Variants in ARHGAP26 observed in about 807,000 individuals in gnomAD.
ARHGAP26 encodes Rho GTPase activating protein 26, also known as rho GTPase-activating protein 26.
In ARHGAP26, 38 loss-of-function variants were observed where a neutral mutation model predicts 104.8. That is an observed-to-expected ratio of 0.36 (90% CI 0.28 to 0.48). ARHGAP26 has a LOEUF of 0.48. ARHGAP26 is among the 20% of genes least tolerant of loss of function. The pLI, the probability that ARHGAP26 is intolerant of heterozygous loss-of-function variation, is 0.99. For synonymous variants in ARHGAP26, 341 were observed against 340.0 expected (o/e 1.00, Z -0.03); for missense variants, 704 against 947.9 (o/e 0.74, Z 3.38).
chr5:142,880,819 G>C (rs960991755), intron 4 of ARHGAP26, among the ~76,000 whole-genome samples: 1 of 152,192 alleles, frequency 6.6e-6, no homozygotes, highest in Non-Finnish European at 1.5e-5. Context: ...AAATAGATAT[G>C]ATTAGGGCCT....
At chr5:143,188,483 G>A (rs1313691682) in intron 20 of ARHGAP26, among the ~76,000 whole-genome samples, 2 of 152,334 alleles carry the variant, frequency 1.3e-5, no homozygotes, top group East Asian at 3.9e-4. Context: ...CCGGAGGGGA[G>A]TCTCCCTTCC....
chr5:142,881,236 T>G (rs1403248936), intron 4 of ARHGAP26, among the ~76,000 whole-genome samples: 2 of 152,202 alleles, frequency 1.3e-5, no homozygotes, highest in African/African-American at 4.8e-5. Flanking sequence ...CAGAGCTGTT[T>G]GTTGAGTCAT....
chr5:143,228,755 A>G lies in ARHGAP26; in HGVS notation c.*6309A>G, dbSNP rs1414279891. 1 of 202,130 alleles carries G rather than the reference A, an allele frequency of 4.9e-6. No individual in the cohort carries two copies. The highest frequency in any genetic ancestry group is 1.0e-5 in the Non-Finnish European group (1 of 98,056). 12.5% of individuals were successfully genotyped at this position (202,130 alleles called of 1,614,324 possible). ...CAGTATTGACTATTGACTCGTGCAT[A>G]GAATCCAATGCTGTAATTAGAAAGT... is the stretch of plus-strand genomic sequence containing the variant. On this transcript the variant is annotated 3_prime_UTR_variant, in exon 23 of 23. Coordinates refer to ENST00000645722, the MANE Select transcript of ARHGAP26 (RefSeq NM_001135608.3).
intron 4 of ARHGAP26, among the ~76,000 whole-genome samples, chr5:142,884,890 A>C (rs560618067): frequency 1.4e-3 from 209 of 152,262 alleles, no homozygotes; most frequent in African/African-American, 4.9e-3. Context: ...TGTCTCATTC[A>C]AGCTGTGAGG....
At chr5:142,919,330 A>G (rs375223082) in intron 10 of ARHGAP26, 1 of 398,718 alleles carries the variant, frequency 2.5e-6, no homozygotes, top group East Asian at 3.6e-5. Context: ...GCAGAGCACC[A>G]GAAGCTAGAG....
chr5:143,072,839 T>C (rs753310485), intron 17 of ARHGAP26, among the ~76,000 whole-genome samples: 15 of 152,164 alleles, frequency 9.9e-5, no homozygotes, highest in Non-Finnish European at 1.8e-4. Flanking sequence ...AGGAGAAATA[T>C]AGTCTAGTAT....
At chr5:142,964,543 AACACAC>A (rs200282524) in intron 11 of ARHGAP26, among the ~76,000 whole-genome samples, 2 of 74,684 alleles carry the variant, frequency 2.7e-5, no homozygotes, top group Non-Finnish European at 2.8e-5. Context: ...CTCTGTTTAA[AACACAC>A]ACACACACAC....
chr5:142,800,642 G>A (rs992676895), intron 1 of ARHGAP26, among the ~76,000 whole-genome samples: 39 of 152,172 alleles, frequency 2.6e-4, no homozygotes, highest in Admixed American at 2.4e-3. Flanking sequence ...GATTACAGGC[G>A]TGAGCCACTG....
intron 1 of ARHGAP26, among the ~76,000 whole-genome samples, chr5:142,792,311 C>T (rs1029064656): frequency 2.6e-5 from 4 of 152,204 alleles, no homozygotes; most frequent in African/African-American, 4.8e-5. Context: ...AAAGATAGTG[C>T]CTCCCATACA....
At position 142,892,544 on chromosome 5, in the gene ARHGAP26, A is replaced by G. The variant is rs188319955; in HGVS notation, c.487-1694A>G. Among the ~76,000 whole-genome samples the G allele has an allele frequency of 1.8e-3, 270 of 152,088 alleles. 1 individual carries two copies. The highest frequency in any genetic ancestry group is 3.0e-3 in the Non-Finnish European group (202 of 68,032). On this transcript the variant is annotated intron_variant, in intron 5 of 22. Transcript: ENST00000645722. ...TAAATAAGGTAATGTATGTACAGCTATGGGCATGATTCCTGGCACAAAGTT... is the reference window on the plus strand; with the variant it reads ...TAAATAAGGTAATGTATGTACAGCTGTGGGCATGATTCCTGGCACAAAGTT...
At chr5:142,891,082 A>G (rs1758591921) in intron 5 of ARHGAP26, among the ~76,000 whole-genome samples, 1 of 151,896 alleles carries the variant, frequency 6.6e-6, no homozygotes, top group Admixed American at 6.5e-5. Context: ...TTGGGAGTAG[A>G]TGCATCTCTC....
Position 143,014,999 on chromosome 5 carries a change from A to G in ARHGAP26, c.1144+883A>G, listed in dbSNP as rs1259211525. Among the ~76,000 whole-genome samples, 3 of 152,208 alleles carry G rather than the reference A, an allele frequency of 2.0e-5. No individual in the cohort carries two copies. In the East Asian group the frequency reaches 5.8e-4, roughly 29 times the overall value. ...ATGAAGTTGTTTTTTTGTGAAAGCC[A>G]TTACAGGACAGAGATTTTTCCCCCC... On this transcript the variant is annotated intron_variant, in intron 12 of 22. Coordinates refer to ENST00000645722, the MANE Select transcript of ARHGAP26 (RefSeq NM_001135608.3).
intron 11 of ARHGAP26, among the ~76,000 whole-genome samples, chr5:142,952,104 T>C (rs956973274): frequency 6.6e-6 from 1 of 152,238 alleles, no homozygotes; most frequent in Non-Finnish European, 1.5e-5. Context: ...CATTTGCCAT[T>C]GGATTTATGG....
In ARHGAP26 at chr5:143,037,245, T is replaced by C. The variant is rs776612798; in HGVS notation, c.1194T>C (p.His398=). The C allele has an allele frequency of 1.3e-5, 21 of 1,601,272 alleles. No individual in the cohort carries two copies. Among genetic ancestry groups the C allele is most frequent in the Non-Finnish European group, 1.4e-5 (16 of 1,170,420 alleles). ...IGFSIIRKCI[H]AVETRGINEQ... ...TCAGCATAATCAGGAAATGCATCCA[T>C]GCTGTGGAAACCAGAGGTAAAGTAG... The change falls in exon 13 of 23, where the codon CAT becomes CAC. Residue 398 remains histidine, a synonymous_variant. Coordinates refer to ENST00000645722, the MANE Select transcript of ARHGAP26 (RefSeq NM_001135608.3).
At chr5:143,176,387 T>C (rs763376811) in intron 20 of ARHGAP26, among the ~76,000 whole-genome samples, 1 of 152,204 alleles carries the variant, frequency 6.6e-6, no homozygotes, top group African/African-American at 2.4e-5. Flanking sequence ...TGAAAGTAAG[T>C]TTCTTATGGG....
At position 143,228,554 on chromosome 5, in the gene ARHGAP26, A is replaced by G. The variant is rs375078864; in HGVS notation, c.*6108A>G. The G allele has an allele frequency of 9.1e-6, 2 of 220,058 alleles. No individual in the cohort carries two copies. The highest frequency in any genetic ancestry group is 4.5e-5 in the African/African-American group (2 of 44,634). 13.6% of individuals were successfully genotyped at this position (220,058 alleles called of 1,614,324 possible). A position where few individuals can be genotyped will look rare whatever the true frequency, so the allele number is the denominator to read the frequency against. ...TTAGTAGCTAAGGCTAGTGTTCAAA[A>G]GCACTCTAAAAGACATTTTGTCCAC... On this transcript the variant is annotated 3_prime_UTR_variant, in exon 23 of 23. Transcript: ENST00000645722.
At chr5:142,922,773 A>T (rs1032802592) in intron 10 of ARHGAP26, among the ~76,000 whole-genome samples, 6 of 152,156 alleles carry the variant, frequency 3.9e-5, no homozygotes, top group African/African-American at 1.4e-4. Context: ...ACGTGCCTTT[A>T]TCTTTTGCAA....
At chr5:143,222,293 C>A in intron 22 of ARHGAP26, 65 bp from the exon 23 acceptor site, 2 of 1,182,944 alleles carry the variant, frequency 1.7e-6, no homozygotes, top group East Asian at 2.4e-5. Flanking sequence ...ACCCCACACA[C>A]ACATCTGCCG....
intron 1 of ARHGAP26, among the ~76,000 whole-genome samples, chr5:142,804,664 G>T (rs530412399): frequency 6.6e-6 from 1 of 151,992 alleles, no homozygotes; most frequent in Admixed American, 6.5e-5. Context: ...GCTAATTTTT[G>T]TATTTTTAGT....
Sources: gnomAD v4.1 joint callset for allele counts (sites outside exome capture counted in the v4.1 genomes callset) on GRCh38, gnomAD v4.1.1 for gene constraint, MANE v1.5 for transcripts, NCBI Gene and HGNC (gene_info 2026-07-23, HGNC 2026-07-21) for gene names.